The following SRRM4 variants were observed in gnomAD, a reference collection of about 807,000 sequenced individuals.
The protein encoded by SRRM4 is serine/arginine repetitive matrix 4, also known as serine/arginine repetitive matrix protein 4.
In SRRM4, 33 loss-of-function variants were observed where a neutral mutation model predicts 68.9. The observed-to-expected ratio is 0.48, with a 90% CI of 0.36 to 0.64. SRRM4 has a LOEUF of 0.64. Among genes scored for constraint, SRRM4 ranks in the 30% least tolerant of loss-of-function variants. The probability of loss-of-function intolerance (pLI) is 0.00; values close to 1 mark genes in which losing one functional copy is unlikely to be tolerated. For synonymous variants in SRRM4, 318 were observed against 318.8 expected (o/e 1.00, Z 0.03); for missense variants, 817 against 827.1 (o/e 0.99, Z 0.15).
intron 8 of SRRM4, among the ~76,000 whole-genome samples, chr12:119,143,097 A>T (rs1287978146): frequency 6.6e-6 from 1 of 152,242 alleles, no homozygotes. Context: ...AAGCTAGACT[A>T]TCACCTTGCC....
At chr12:119,065,373 G>A (rs972440808) in intron 1 of SRRM4, among the ~76,000 whole-genome samples, 2 of 152,166 alleles carry the variant, frequency 1.3e-5, no homozygotes, top group Non-Finnish European at 2.9e-5. Context: ...AGGCCCACTT[G>A]ACTAAAGGTT....
At chr12:119,098,716 T>C (rs1193731299) in intron 1 of SRRM4, among the ~76,000 whole-genome samples, 1 of 152,188 alleles carries the variant, frequency 6.6e-6, no homozygotes, top group Non-Finnish European at 1.5e-5. Flanking sequence ...CTCCATCTCC[T>C]CAATGTTGAC....
chr12:119,125,334 A>G, intron 6 of SRRM4, 47 bp from the exon 7 acceptor site: 1 of 1,512,074 alleles, frequency 6.6e-7, no homozygotes, highest in Non-Finnish European at 9.1e-7. Context: ...TCCCTTTTTT[A>G]CTCTCTCTCT....
At chr12:119,056,785 A>G (rs891541791) in intron 1 of SRRM4, among the ~76,000 whole-genome samples, 1 of 152,050 alleles carries the variant, frequency 6.6e-6, no homozygotes, top group Non-Finnish European at 1.5e-5. Flanking sequence ...TTTGTTGCAC[A>G]TATCACAAAT....
chr12:119,005,671 T>C (rs1953411709), intron 1 of SRRM4, among the ~76,000 whole-genome samples: 1 of 152,212 alleles, frequency 6.6e-6, no homozygotes, highest in South Asian at 2.1e-4. Context: ...AGGGTCCAAG[T>C]GGGAATTAAA....
chr12:119,043,913 T>TGGA (rs917404599), intron 1 of SRRM4, among the ~76,000 whole-genome samples: 2 of 152,120 alleles, frequency 1.3e-5, no homozygotes, highest in Non-Finnish European at 2.9e-5. Flanking sequence ...TTGCCCAGGC[T>TGGA]GGAGTGCAAT....
intron 4 of SRRM4, among the ~76,000 whole-genome samples, chr12:119,117,349 T>C (rs1954187613): frequency 6.6e-6 from 1 of 152,158 alleles, no homozygotes; most frequent in South Asian, 2.1e-4. Flanking sequence ...ATGAGGGACA[T>C]GGCTGCACCC....
At chr12:118,999,324 A>C (rs1321575396) in intron 1 of SRRM4, among the ~76,000 whole-genome samples, 2 of 152,148 alleles carry the variant, frequency 1.3e-5, no homozygotes, top group South Asian at 2.1e-4. Flanking sequence ...TCTGGAACTC[A>C]GAGTCGGGAC....
intron 8 of SRRM4, among the ~76,000 whole-genome samples, chr12:119,137,587 G>GGAGAGAGAGAGAGA: frequency 1.7e-5 from 2 of 119,194 alleles, no homozygotes; most frequent in African/African-American, 7.4e-5. Flanking sequence ...GGTTTGGAGT[G>GGAGAGAGAGAGAGA]GAGAGAGAGA....
rs1427837766 is a variant in SRRM4, at chr12:119,145,367, C to G, written c.772-14C>G. On this transcript the variant is annotated splice_polypyrimidine_tract_variant and intron_variant, in intron 8 of 12. Coordinates refer to ENST00000267260, the MANE Select transcript of SRRM4 (RefSeq NM_194286.4). ...CAGCGCTCAGCAGTGTCCAACGGGT[C>G]TTTTTGCTTTCAGATCACTGGGTCG... The G allele has an allele frequency of 6.3e-7, 1 of 1,595,060 alleles. No individual in the cohort carries two copies. Among genetic ancestry groups the G allele is most frequent in the East Asian group, 2.3e-5 (1 of 44,214 alleles).
intron 5 of SRRM4, 129 bp downstream of exon 5, chr12:119,120,405 A>G (rs761910832): frequency 1.0e-6 from 1 of 981,568 alleles, no homozygotes; most frequent in Non-Finnish European, 1.5e-6. Context: ...CCTGGGCCTC[A>G]GTTTCCTCCA....
At chr12:118,990,807 TG>T (rs1422490676) in intron 1 of SRRM4, among the ~76,000 whole-genome samples, 3 of 151,632 alleles carry the variant, frequency 2.0e-5, no homozygotes, top group Non-Finnish European at 4.4e-5. Context: ...CACTTTCTCT[TG>T]TTTGTGTTTT....
intron 1 of SRRM4, among the ~76,000 whole-genome samples, chr12:119,005,462 C>T (rs1461227867): frequency 6.6e-6 from 1 of 152,198 alleles, no homozygotes; most frequent in Non-Finnish European, 1.5e-5. Context: ...GAGACCTGGA[C>T]ATTGGGATTT....
intron 2 of SRRM4, among the ~76,000 whole-genome samples, chr12:119,106,898 G>T (rs775650482): frequency 6.3e-4 from 96 of 152,206 alleles, no homozygotes; most frequent in Non-Finnish European, 1.1e-3. Flanking sequence ...AGTTTTCAAA[G>T]GGAATGCTTC....
At chr12:119,088,666 G>A (rs529376858) in intron 1 of SRRM4, among the ~76,000 whole-genome samples, 1 of 151,534 alleles carries the variant, frequency 6.6e-6, no homozygotes, top group Non-Finnish European at 1.5e-5. Flanking sequence ...GATTCCTTTT[G>A]GGGGGCGTGG....
chr12:119,015,368 C>G (rs1953474902), intron 1 of SRRM4, among the ~76,000 whole-genome samples: 1 of 152,162 alleles, frequency 6.6e-6, no homozygotes, highest in Non-Finnish European at 1.5e-5. Flanking sequence ...ACATTGCTTA[C>G]TCCCCTCCAA....
intron 3 of SRRM4, among the ~76,000 whole-genome samples, chr12:119,115,949 C>T (rs915217921): frequency 2.0e-5 from 3 of 152,012 alleles, no homozygotes; most frequent in African/African-American, 7.3e-5. Context: ...TTTGGAGGCT[C>T]CTTTAGAAAA....
intron 1 of SRRM4, among the ~76,000 whole-genome samples, chr12:119,044,961 T>C (rs1953695771): frequency 6.6e-6 from 1 of 152,218 alleles, no homozygotes; most frequent in Non-Finnish European, 1.5e-5. Context: ...ATTACTTTGC[T>C]GTGCCTCAGT....
intron 1 of SRRM4, among the ~76,000 whole-genome samples, chr12:119,048,236 C>T (rs911338212): frequency 3.3e-5 from 5 of 152,160 alleles, no homozygotes; most frequent in African/African-American, 7.2e-5. Context: ...CTGGAGAGGG[C>T]GGTAAAGCCA....
Sources: allele counts gnomAD v4.1 joint callset (sites outside exome capture counted in the v4.1 genomes callset), GRCh38; gene constraint gnomAD v4.1.1; transcripts MANE v1.5; gene names NCBI Gene and HGNC (gene_info 2026-07-23, HGNC 2026-07-21).